The following GGT7 variants were observed in gnomAD, a reference collection of about 807,000 sequenced individuals.
GGT7 encodes the protein glutathione hydrolase 7.
A neutral mutation model predicts 69.2 loss-of-function variants in GGT7; 30 were observed. The observed-to-expected ratio is 0.43, with a 90% confidence interval of 0.32 to 0.59. The LOEUF (loss-of-function observed/expected upper bound fraction) is 0.59, where lower values mean the gene tolerates loss of function less well. GGT7 is among the 20% of genes least tolerant of loss of function. The pLI, the probability that GGT7 is intolerant of heterozygous loss-of-function variation, is 0.05. For missense variants in GGT7, 733 were observed against 901.1 expected (o/e 0.81, Z 2.39); for synonymous variants, 388 against 391.8 (o/e 0.99, Z 0.12).
chr20:34,853,087 T>C (rs1178662628), intron 10 of GGT7, among the ~76,000 whole-genome samples: 1 of 152,064 alleles, frequency 6.6e-6, no homozygotes, highest in African/African-American at 2.4e-5. Flanking sequence ...TTATCTGGGA[T>C]TACAGGCACC....
At position 34,868,754 on chromosome 20, in the gene GGT7, G is replaced by A. The variant is rs752192838; in HGVS notation, c.169+3893C>T. ...TTTGTTATTTTGCTGGAACTACTGG[G>A]AAAGAGAAAGGCTCCTCTTTCTATT... On this transcript the variant is annotated intron_variant, in intron 1 of 14. Transcript: ENST00000336431. 4.6e-5 allele frequency among the ~76,000 whole-genome samples: 7 copies of A among 152,232 alleles called. No individual in the cohort carries two copies. The South Asian group carries it at 6.2e-4, about 13-fold the overall frequency.
Position 34,863,270 on chromosome 20 carries a change from C to T in GGT7, c.405+43G>A, listed in dbSNP as rs763723050. ...CAGTTCCTCAAACATTACCCCACTC[C>T]CCACTCCCCAGTTTCCTCCCCCTCC... is the stretch of plus-strand genomic sequence containing the variant. On this transcript the variant is annotated intron_variant, in intron 2 of 14. Coordinates refer to ENST00000336431, the MANE Select transcript of GGT7 (RefSeq NM_178026.3). This position sits in a 1 kb window ranked among gnomAD's most constrained non-coding sequence, Gnocchi z 4.4. The T allele has an allele frequency of 2.9e-6, 4 of 1,383,244 alleles. No homozygotes were observed. The highest frequency in any genetic ancestry group is 3.0e-6 in the Non-Finnish European group (3 of 988,014). The allele number at this position is 1,383,244 out of a possible 1,614,324, so 85.7% of individuals were successfully genotyped here. A position where few individuals can be genotyped will look rare whatever the true frequency, so the allele number is the denominator to read the frequency against.
At chr20:34,867,489 G>A (rs980903581) in intron 1 of GGT7, among the ~76,000 whole-genome samples, 4 of 152,040 alleles carry the variant, frequency 2.6e-5, no homozygotes, top group East Asian at 1.9e-4. Flanking sequence ...GAGGTGGGAG[G>A]ATTGTTTGAG....
At chr20:34,846,290 C>CCCTT (rs1174427012) in intron 14 of GGT7, among the ~76,000 whole-genome samples, 12 of 117,600 alleles carry the variant, frequency 1.0e-4, no homozygotes, top group South Asian at 2.9e-4. Flanking sequence ...CTCCCTCCCT[C>CCCTT]CCTTCCTTTC....
At chr20:34,845,826 A>G (rs55845370) in intron 14 of GGT7, among the ~76,000 whole-genome samples, 61,662 of 151,880 alleles carry the variant, frequency 0.41, 13,427 homozygotes, top group African/African-American at 0.56. Context: ...TTGGGAGGCT[A>G]AGGTGGGAGG....
In GGT7 at chr20:34,861,293, G is replaced by A. The variant is rs1195662293; in HGVS notation, c.675+152C>T. On this transcript the variant is annotated intron_variant, in intron 4 of 14. Transcript: ENST00000336431. ...TTTTCTAGTTCATTATTTTATCTTG[G>A]GGGCTGCCTGACTCTCTCATAGCCT... is the stretch of plus-strand genomic sequence containing the variant. The A allele has an allele frequency of 7.0e-6, 3 of 430,156 alleles. No individual in the cohort carries two copies. The Admixed American group carries it at 1.2e-4, about 17-fold the overall frequency. The allele number at this position is 430,156 out of a possible 1,614,324, so 26.6% of individuals were successfully genotyped here. A position where few individuals can be genotyped will look rare whatever the true frequency, so the allele number is the denominator to read the frequency against.
intron 14 of GGT7, among the ~76,000 whole-genome samples, chr20:34,848,024 T>C (rs6120742): frequency 0.41 from 62,986 of 151,946 alleles, 13,768 homozygotes; most frequent in African/African-American, 0.54. Flanking sequence ...ACCCAGGAGG[T>C]GGAGGTTGAA....
intron 1 of GGT7, among the ~76,000 whole-genome samples, chr20:34,864,880 T>C (rs997556961): frequency 2.0e-5 from 3 of 151,506 alleles, no homozygotes; most frequent in African/African-American, 4.8e-5. Context: ...TGGAGTGCAA[T>C]GGCACAATCC....
chr20:34,850,539 T>C (rs1217469997), intron 13 of GGT7, among the ~76,000 whole-genome samples: 1 of 152,200 alleles, frequency 6.6e-6, no homozygotes, highest in African/African-American at 2.4e-5. Flanking sequence ...ATCTATAAAA[T>C]AGAAATAAGG....
At chr20:34,861,275 G>A (rs1415937000) in intron 4 of GGT7, 170 bp downstream of exon 4, 2 of 406,296 alleles carry the variant, frequency 4.9e-6, no homozygotes, top group African/African-American at 4.1e-5. Flanking sequence ...AGATTTTCTA[G>A]TTCATTATTT....
chr20:34,861,645 G>A (rs1182263621), intron 3 of GGT7, 83 bp from the exon 4 acceptor site: 1 of 816,040 alleles, frequency 1.2e-6, no homozygotes, highest in East Asian at 2.9e-5. Flanking sequence ...CACCCCCAGT[G>A]GTGAGAGCTG....
intron 1 of GGT7, among the ~76,000 whole-genome samples, chr20:34,864,128 T>A (rs149395213): frequency 1.1e-4 from 17 of 152,198 alleles, no homozygotes; most frequent in Non-Finnish European, 2.2e-4. Context: ...TGGCAGGTGC[T>A]ATGAAGAAAA....
chr20:34,871,249 C>G (rs2079773437), intron 1 of GGT7, among the ~76,000 whole-genome samples: 1 of 152,152 alleles, frequency 6.6e-6, no homozygotes, highest in Admixed American at 6.5e-5. Context: ...GTTCCAATCT[C>G]TAGGTCAAGA....
At chr20:34,861,823 A>G (rs1303803020) in intron 3 of GGT7, among the ~76,000 whole-genome samples, 1 of 152,070 alleles carries the variant, frequency 6.6e-6, no homozygotes, top group Non-Finnish European at 1.5e-5. Context: ...TGATTAGGAA[A>G]AGCCCAGAGA....
chr20:34,862,127 A>G (rs1234971439), intron 3 of GGT7, among the ~76,000 whole-genome samples: 1 of 152,188 alleles, frequency 6.6e-6, no homozygotes. Flanking sequence ...AACTAAGGCA[A>G]GCAGGACAGA....
At position 34,860,244 on chromosome 20, in the gene GGT7, G is replaced by T; in HGVS notation, c.743+10C>A. 6.2e-7 allele frequency: 1 copy of T among 1,604,328 alleles called. No homozygotes were observed. Among genetic ancestry groups the T allele is most frequent in the Non-Finnish European group, 8.5e-7 (1 of 1,171,164 alleles). ...CGGGGGTCCCTGGTCCCCAGGGGGAGGGTTGTTACCTGCCATAGAGCTGGT... is the reference window on the plus strand; with the variant it reads ...CGGGGGTCCCTGGTCCCCAGGGGGATGGTTGTTACCTGCCATAGAGCTGGT... On this transcript the variant is annotated intron_variant, in intron 5 of 14. Transcript: ENST00000336431.
intron 6 of GGT7, 132 bp from the exon 7 acceptor site, chr20:34,859,771 G>T: frequency 1.2e-6 from 1 of 845,392 alleles, no homozygotes; most frequent in Non-Finnish European, 1.8e-6. Context: ...CCTGTTAAGT[G>T]CGAGGCAGGG....
chr20:34,860,156 G>A (rs2079565985), intron 5 of GGT7, 98 bp downstream of exon 5: 9 of 1,039,596 alleles, frequency 8.7e-6, no homozygotes, highest in South Asian at 6.3e-5. Context: ...GATATTAGGA[G>A]GGGGAGTTGG....
At chr20:34,870,749 G>C (rs560631609) in intron 1 of GGT7, among the ~76,000 whole-genome samples, 33 of 150,830 alleles carry the variant, frequency 2.2e-4, no homozygotes, top group African/African-American at 8.1e-4. Flanking sequence ...TGGGATTACA[G>C]GTGTGAGCCA....
Sources: gnomAD v4.1 joint callset for allele counts (sites outside exome capture counted in the v4.1 genomes callset) on GRCh38, gnomAD v4.1.1 for gene constraint, Gnocchi (gnomAD v3.1) non-coding constraint, MANE v1.5 for transcripts, NCBI Gene and HGNC (gene_info 2026-07-23, HGNC 2026-07-21) for gene names.